PITPNC1: variants seen among roughly 807,000 people sequenced by gnomAD.
PITPNC1 encodes the protein phosphatidylinositol transfer protein cytoplasmic 1.
Under a neutral mutation model 44.7 loss-of-function variants are expected in PITPNC1, and 18 were observed. The observed-to-expected ratio is 0.40, with a 90% CI of 0.28 to 0.60. The LOEUF (loss-of-function observed/expected upper bound fraction) is 0.60, where lower values mean the gene tolerates loss of function less well. Ranked by LOEUF, PITPNC1 falls within the 20% of genes least tolerant of loss-of-function variation. The pLI is 0.39. For missense variants in PITPNC1, 290 were observed against 418.4 expected, an observed-to-expected ratio of 0.69 and a Z score of 2.68; for synonymous variants, 141 against 149.6, an observed-to-expected ratio of 0.94 and a Z score of 0.42.
At chr17:67,610,388 G>A (rs1319078566) in intron 5 of PITPNC1, among the ~76,000 whole-genome samples, 1 of 152,108 alleles carries the variant, frequency 6.6e-6, no homozygotes, top group African/African-American at 2.4e-5. Flanking sequence ...CTGATTCAAG[G>A]GATTCCGCTC....
chr17:67,436,921 T>G lies in PITPNC1; in HGVS notation c.48+58719T>G, dbSNP rs570550736. Among the ~76,000 whole-genome samples the G allele has an allele frequency of 2.8e-4, 37 of 133,096 alleles. No homozygotes were observed. The East Asian group carries it at 2.9e-3, about 10-fold the overall frequency. The allele number at this position is 133,096 out of a possible 152,430, so 87.3% of individuals were successfully genotyped here. A position where few individuals can be genotyped will look rare whatever the true frequency, so the allele number is the denominator to read the frequency against. ...GAAAATAGGGGTGTTTTTTTTTTTT[T>G]TTTTTTTTTTTTTTTGAGACAGGAT... On this transcript the variant is annotated intron_variant, in intron 1 of 8. Coordinates refer to ENST00000581322, the MANE Select transcript of PITPNC1 (RefSeq NM_012417.4).
chr17:67,378,965 C>T (rs1267167517), intron 1 of PITPNC1: 8 of 985,170 alleles, frequency 8.1e-6, no homozygotes, highest in Non-Finnish European at 9.6e-6. Context: ...GGCGGGGGCT[C>T]GTCCTCCAAG....
intron 4 of PITPNC1, among the ~76,000 whole-genome samples, chr17:67,576,350 AG>A (rs1191181526): frequency 6.6e-6 from 1 of 152,054 alleles, no homozygotes; most frequent in African/African-American, 2.4e-5. Context: ...TCTTTAAAGC[AG>A]GGGGGGATGG....
chr17:67,554,191 A>G (rs2040803946), intron 4 of PITPNC1, among the ~76,000 whole-genome samples: 2 of 151,824 alleles, frequency 1.3e-5, no homozygotes, highest in Non-Finnish European at 2.9e-5. Flanking sequence ...TGGTATTTTC[A>G]TTTAGATCAT....
intron 2 of PITPNC1, among the ~76,000 whole-genome samples, chr17:67,539,682 T>C (rs1373189398): frequency 4.6e-5 from 7 of 152,002 alleles, no homozygotes; most frequent in African/African-American, 1.7e-4. Context: ...ACTAAAAATA[T>C]TAAAAATTGG....
At chr17:67,677,805 C>T (rs1158680436) in intron 8 of PITPNC1, among the ~76,000 whole-genome samples, 1 of 151,686 alleles carries the variant, frequency 6.6e-6, no homozygotes, top group Non-Finnish European at 1.5e-5. Flanking sequence ...CTCCTGACCT[C>T]GTGATCCGCC....
At chr17:67,663,756 G>C (rs2042382010) in intron 6 of PITPNC1, among the ~76,000 whole-genome samples, 1 of 152,030 alleles carries the variant, frequency 6.6e-6, no homozygotes, top group African/African-American at 2.4e-5. Context: ...CTAGGATGCG[G>C]GTGGTAACTT....
rs774288855 is a variant in PITPNC1, at chr17:67,692,844, G to A, written c.955G>A (p.Gly319Ser). ...GAAAAAAGCCACCCTGAATTTACCC[G>A]GCATGCACTCTTCAGATAAGCCATG... Reference protein sequence around the residue: ...PEKKATLNLPGMHSSDKPCRP... With the variant: ...PEKKATLNLPSMHSSDKPCRP... The change falls in exon 9 of 9, where the codon GGC becomes AGC. Residue 319 changes from glycine (G) to serine (S), a missense_variant. Gly to Ser is a moderately conservative substitution (Grantham distance 56). Transcript: ENST00000581322. The A allele has an allele frequency of 6.2e-6, 10 of 1,613,456 alleles. No individual in the cohort carries two copies. Among genetic ancestry groups the A allele is most frequent in the East Asian group, 2.2e-5 (1 of 44,872 alleles).
At chr17:67,463,361 A>G (rs909699257) in intron 1 of PITPNC1, among the ~76,000 whole-genome samples, 2 of 152,212 alleles carry the variant, frequency 1.3e-5, no homozygotes, top group Admixed American at 1.3e-4. Context: ...AATTGGTGGG[A>G]TATATTTTCA....
intron 5 of PITPNC1, among the ~76,000 whole-genome samples, chr17:67,617,005 G>A (rs962053563): frequency 1.1e-4 from 17 of 152,108 alleles, no homozygotes; most frequent in African/African-American, 3.6e-4. Flanking sequence ...GTCCACCATC[G>A]GCCGGTCTGA....
rs140315793 is a variant in PITPNC1, at chr17:67,445,986, G to T, written c.48+67784G>T. Among the ~76,000 whole-genome samples the T allele has an allele frequency of 2.0e-5, 3 of 151,544 alleles. No homozygotes were observed. The East Asian group carries it at 5.8e-4, about 29-fold the overall frequency. On this transcript the variant is annotated intron_variant, in intron 1 of 8. Coordinates refer to ENST00000581322, the MANE Select transcript of PITPNC1 (RefSeq NM_012417.4). Reference sequence around the variant, plus strand: ...TTTTGAGACAGAATCTCACTCTGTCGCCCAGGCTGGAGTGCAGTGGCACAA... The same window carrying T: ...TTTTGAGACAGAATCTCACTCTGTCTCCCAGGCTGGAGTGCAGTGGCACAA...
intron 4 of PITPNC1, among the ~76,000 whole-genome samples, chr17:67,556,247 CA>C (rs1403198324): frequency 6.6e-6 from 1 of 152,080 alleles, no homozygotes; most frequent in African/African-American, 2.4e-5. Flanking sequence ...CTACAGTCCC[CA>C]ATGTGGGAGA....
At chr17:67,685,961 G>A (rs1242428532) in intron 8 of PITPNC1, among the ~76,000 whole-genome samples, 1 of 151,904 alleles carries the variant, frequency 6.6e-6, no homozygotes. Context: ...CTCCCATGTA[G>A]CTGGGATTAC....
intron 6 of PITPNC1, among the ~76,000 whole-genome samples, chr17:67,657,934 A>C (rs2042291759): frequency 6.6e-6 from 1 of 152,218 alleles, no homozygotes; most frequent in Non-Finnish European, 1.5e-5. Flanking sequence ...AAGAATATGA[A>C]TCTGAAATGT....
chr17:67,572,610 T>C (rs866008243), intron 4 of PITPNC1, among the ~76,000 whole-genome samples: 156 of 151,646 alleles, frequency 1.0e-3, no homozygotes, highest in African/African-American at 3.6e-3. Context: ...CTAATGGTAA[T>C]GGTGACAAAG....
chr17:67,573,173 C>T lies in PITPNC1; in HGVS notation c.295-5013C>T, dbSNP rs137997581. Among the ~76,000 whole-genome samples, 1,028 of 152,218 alleles carry T rather than the reference C, an allele frequency of 6.8e-3. 18 individuals are homozygous for T. The highest frequency in any genetic ancestry group is 0.023 in the African/African-American group (959 of 41,522). ...TCTGGACCTTTCAAGTTTGATGAAC[C>T]TGTAGGGTCTTTGTTGGGGATGGCC... On this transcript the variant is annotated intron_variant, in intron 4 of 8. Transcript: ENST00000581322.
intron 4 of PITPNC1, among the ~76,000 whole-genome samples, chr17:67,573,950 C>A (rs913427158): frequency 6.6e-6 from 1 of 152,152 alleles, no homozygotes; most frequent in African/African-American, 2.4e-5. Flanking sequence ...ATCAAGGGAA[C>A]TTTGTGCTTA....
chr17:67,423,532 C>T (rs1369798093), intron 1 of PITPNC1, among the ~76,000 whole-genome samples: 1 of 152,118 alleles, frequency 6.6e-6, no homozygotes. Context: ...TGACTAGGCG[C>T]AAATCCATGC....
At chr17:67,427,163 G>T (rs4791296) in intron 1 of PITPNC1, among the ~76,000 whole-genome samples, 33,790 of 151,994 alleles carry the variant, frequency 0.22, 4,029 homozygotes, top group Middle Eastern at 0.33. Context: ...GGCATTGTGA[G>T]ACCCTGGCTA....
Sources: gnomAD v4.1 joint callset for allele counts (sites outside exome capture counted in the v4.1 genomes callset) on GRCh38, gnomAD v4.1.1 for gene constraint, MANE v1.5 for transcripts, NCBI Gene and HGNC (gene_info 2026-07-23, HGNC 2026-07-21) for gene names.